Variants in SCML2 observed in about 807,000 individuals in gnomAD.
SCML2 encodes the protein Scm polycomb group protein like 2.
In SCML2, 6 loss-of-function variants were observed where a neutral mutation model predicts 48.4. That is an observed-to-expected ratio of 0.12 (90% CI 0.07 to 0.24). SCML2 has a LOEUF of 0.24. Among genes scored for constraint, SCML2 ranks in the 10% least tolerant of loss-of-function variants. The pLI is 1.00. For missense variants in SCML2, 377 were observed against 528.2 expected, an observed-to-expected ratio of 0.71 and a Z score of 2.81; for synonymous variants, 181 against 189.5, an observed-to-expected ratio of 0.95 and a Z score of 0.37.
chrX:18,307,288 A>C (rs1928787995), intron 6 of SCML2, among the ~76,000 whole-genome samples: 1 of 108,142 alleles, frequency 9.2e-6, no homozygotes, highest in Non-Finnish European at 1.9e-5. Flanking sequence ...CTCTGCCTCA[A>C]AAAAAAAAAA....
intron 1 of SCML2, among the ~76,000 whole-genome samples, chrX:18,344,851 A>G (rs762059171): frequency 9.0e-6 from 1 of 111,337 alleles, no homozygotes; most frequent in African/African-American, 3.3e-5. Context: ...GACAAAACGG[A>G]TCCATGAGGG....
intron 7 of SCML2, among the ~76,000 whole-genome samples, chrX:18,303,033 T>C (rs1446842355): frequency 9.0e-6 from 1 of 111,616 alleles, no homozygotes; most frequent in Non-Finnish European, 1.9e-5. Context: ...CCTGGCTGCT[T>C]TCCACCCACT....
In SCML2 at chrX:18,288,414, TGACTTACAATAG is replaced by T. The variant is rs1313600876; in HGVS notation, c.730+16546_730+16557del. Among the ~76,000 whole-genome samples the T allele has an allele frequency of 3.6e-5, 4 of 111,352 alleles. No homozygotes were observed. The South Asian group carries it at 1.5e-3, about 42-fold the overall frequency. On this transcript the variant is annotated intron_variant, in intron 7 of 14. Transcript: ENST00000251900. The stretch of plus-strand genomic sequence containing the variant: ...AACTGGTGATTTAAATGATCAAACT[TGACTTACAATAG>T]GACTATTCTTTTTAAAAAGAAAAAA...
At chrX:18,310,260 C>CTTTTTTT (rs773391164) in intron 6 of SCML2, among the ~76,000 whole-genome samples, 34 of 62,365 alleles carry the variant, frequency 5.5e-4, no homozygotes, top group South Asian at 9.5e-4. Flanking sequence ...AACCACCTCC[C>CTTTTTTT]TTTTTTTTTT....
chrX:18,258,176 C>T lies in SCML2; in HGVS notation c.1141G>A (p.Asp381Asn), dbSNP rs764202802. ...LDPKRIQQLP[D>N]HFGPGPVNVV... is the part of the protein sequence containing the mutation. ...TTCACCGGGCCCGGGCCGAAGTGGTCAGGCAGCTGCTGGATTCTCTTGGGA... is the reference window on the plus strand; with the variant it reads ...TTCACCGGGCCCGGGCCGAAGTGGTTAGGCAGCTGCTGGATTCTCTTGGGA... Residue 381 changes from aspartate (D) to asparagine (N), a missense_variant, in exon 10 of 15, where the codon GAC becomes AAC. Coordinates refer to ENST00000251900, the MANE Select transcript of SCML2 (RefSeq NM_006089.3). The T allele has an allele frequency of 8.3e-7, 1 of 1,211,590 alleles. No individual in the cohort carries two copies. Among genetic ancestry groups the T allele is most frequent in the Admixed American group, 2.2e-5 (1 of 46,080 alleles).
chrX:18,256,795 T>TA, intron 11 of SCML2, 53 bp downstream of exon 11: 1 of 981,439 alleles, frequency 1.0e-6, no homozygotes, highest in South Asian at 3.1e-5. Context: ...GAAAAACAAT[T>TA]ACACAAGATT....
chrX:18,283,561 G>A (rs770243765), intron 7 of SCML2, among the ~76,000 whole-genome samples: 1 of 112,644 alleles, frequency 8.9e-6, no homozygotes, highest in South Asian at 3.6e-4. Context: ...CAAAAGGCTA[G>A]TAGAACTGAT....
At chrX:18,349,916 A>G (rs1234186680) in intron 1 of SCML2, among the ~76,000 whole-genome samples, 2 of 112,311 alleles carry the variant, frequency 1.8e-5, no homozygotes, top group South Asian at 7.2e-4. Flanking sequence ...ACCAAAGAAC[A>G]CATACACATT....
At chrX:18,289,248 T>C (rs962213426) in intron 7 of SCML2, among the ~76,000 whole-genome samples, 3 of 112,412 alleles carry the variant, frequency 2.7e-5, no homozygotes, top group Admixed American at 9.4e-5. Flanking sequence ...TGCTTGCAAT[T>C]GTTGCAGTAT....
chrX:18,257,226 T>C (rs1926880940), intron 10 of SCML2, among the ~76,000 whole-genome samples, 196 bp from the exon 11 acceptor site: 1 of 112,190 alleles, frequency 8.9e-6, no homozygotes, highest in Non-Finnish European at 1.9e-5. Context: ...CATCCTCATT[T>C]GAAAATACTC....
At chrX:18,256,621 G>A (rs1185012352) in intron 11 of SCML2, among the ~76,000 whole-genome samples, 1 of 112,375 alleles carries the variant, frequency 8.9e-6, no homozygotes, top group Non-Finnish European at 1.9e-5. Context: ...CTGTGAGGTA[G>A]TCAAAATGAA....
At chrX:18,300,785 C>G (rs1170153330) in intron 7 of SCML2, among the ~76,000 whole-genome samples, 11 of 103,580 alleles carry the variant, frequency 1.1e-4, no homozygotes, top group African/African-American at 3.9e-4. Context: ...AGCAAGACTC[C>G]GTTTCAAAAA....
chrX:18,307,642 C>T (rs1928798742), intron 6 of SCML2, among the ~76,000 whole-genome samples: 1 of 111,522 alleles, frequency 9.0e-6, no homozygotes, highest in African/African-American at 3.3e-5. Context: ...AATTAAAAAA[C>T]TGGAATAAGC....
At chrX:18,311,396 T>C (rs936107850) in intron 6 of SCML2, among the ~76,000 whole-genome samples, 3 of 100,245 alleles carry the variant, frequency 3.0e-5, no homozygotes, top group Admixed American at 2.1e-4. Flanking sequence ...ATAAATGCTA[T>C]GCAGAGAGAG....
intron 4 of SCML2, among the ~76,000 whole-genome samples, chrX:18,324,488 C>G (rs1273469442): frequency 9.0e-6 from 1 of 111,447 alleles, no homozygotes; most frequent in Non-Finnish European, 1.9e-5. Context: ...AACCTCATTT[C>G]CACATTATCG....
At chrX:18,281,450 G>A (rs766770521) in intron 7 of SCML2, among the ~76,000 whole-genome samples, 3 of 112,029 alleles carry the variant, frequency 2.7e-5, no homozygotes, top group Non-Finnish European at 5.6e-5. Context: ...AGTGACTCCG[G>A]CCTGTAGTCC....
intron 12 of SCML2, 94 bp downstream of exon 12, chrX:18,247,675 C>A: frequency 3.3e-6 from 2 of 611,655 alleles, no homozygotes; most frequent in Non-Finnish European, 2.5e-6. Context: ...GCAAATTTAC[C>A]TCCCTACCTC....
intron 13 of SCML2, 71 bp from the exon 14 acceptor site, chrX:18,242,661 A>G: frequency 9.4e-7 from 1 of 1,066,631 alleles, no homozygotes. Flanking sequence ...GATGTTAGGT[A>G]GGGAATAATG....
At chrX:18,326,415 G>T (rs1259079181) in intron 3 of SCML2, among the ~76,000 whole-genome samples, 1 of 109,080 alleles carries the variant, frequency 9.2e-6, no homozygotes, top group African/African-American at 3.3e-5. Context: ...CAGGTGCGGT[G>T]GCTCTGTAAT....
Sources: gnomAD v4.1 joint callset for allele counts (sites outside exome capture counted in the v4.1 genomes callset) on GRCh38, gnomAD v4.1.1 for gene constraint, MANE v1.5 for transcripts, NCBI Gene and HGNC (gene_info 2026-07-23, HGNC 2026-07-21) for gene names.